Variants in GALNTL6 observed in about 807,000 individuals in gnomAD.
GALNTL6 encodes the protein polypeptide N-acetylgalactosaminyltransferase-like 6.
Under a neutral mutation model 73.7 loss-of-function variants are expected in GALNTL6, and 46 were observed. The observed-to-expected ratio is 0.62, with a 90% CI of 0.49 to 0.80. The LOEUF is 0.80. Among genes scored for constraint, GALNTL6 ranks in the 30% least tolerant of loss-of-function variants. The pLI is 0.00. For synonymous variants in GALNTL6, 259 were observed against 263.7 expected (o/e 0.98, Z 0.17); for missense variants, 604 against 755.0 (o/e 0.80, Z 2.34).
At chr4:172,471,754 AG>A (rs1167243809) in intron 5 of GALNTL6, among the ~76,000 whole-genome samples, 3 of 152,224 alleles carry the variant, frequency 2.0e-5, no homozygotes, top group Non-Finnish European at 2.9e-5. Context: ...TTTTGTGTAC[AG>A]GGCTTAGGCT....
chr4:172,304,913 A>G (rs1740072566), intron 3 of GALNTL6, among the ~76,000 whole-genome samples: 1 of 152,160 alleles, frequency 6.6e-6, no homozygotes, highest in African/African-American at 2.4e-5. Flanking sequence ...TTCTAGTTGC[A>G]GTTTCCAGGT....
intron 5 of GALNTL6, among the ~76,000 whole-genome samples, chr4:172,761,193 A>C (rs908170488): frequency 6.6e-6 from 1 of 152,222 alleles, no homozygotes; most frequent in Non-Finnish European, 1.5e-5. Context: ...TACAAGTTGC[A>C]GAATTTACAC....
chr4:172,647,348 A>T (rs1051580168), intron 5 of GALNTL6, among the ~76,000 whole-genome samples: 29 of 152,140 alleles, frequency 1.9e-4, no homozygotes, highest in Non-Finnish European at 3.4e-4. Context: ...ATCAGTCTTC[A>T]TGTATTATAT....
At chr4:172,390,471 T>A (rs1386227217) in intron 5 of GALNTL6, among the ~76,000 whole-genome samples, 1 of 152,234 alleles carries the variant, frequency 6.6e-6, no homozygotes, top group Non-Finnish European at 1.5e-5. Context: ...TGTACCACTC[T>A]GAGTAGCATG....
intron 11 of GALNTL6, among the ~76,000 whole-genome samples, chr4:173,017,868 A>T (rs1752845243): frequency 6.6e-6 from 1 of 152,232 alleles, no homozygotes; most frequent in Non-Finnish European, 1.5e-5. Flanking sequence ...TTGCTGTAAC[A>T]CAGGTATTCT....
chr4:172,399,152 T>C (rs1743951458), intron 5 of GALNTL6, among the ~76,000 whole-genome samples: 1 of 152,116 alleles, frequency 6.6e-6, no homozygotes, highest in Non-Finnish European at 1.5e-5. Context: ...CCATATGGAG[T>C]TAATGTGAAA....
chr4:172,427,102 A>C (rs1366070500), intron 5 of GALNTL6, among the ~76,000 whole-genome samples: 5 of 152,190 alleles, frequency 3.3e-5, no homozygotes, highest in South Asian at 2.1e-4. Flanking sequence ...TTTTAACTTC[A>C]TAAAATGCAA....
chr4:172,569,887 A>T (rs1176450181), intron 5 of GALNTL6, among the ~76,000 whole-genome samples: 1 of 152,198 alleles, frequency 6.6e-6, no homozygotes, highest in African/African-American at 2.4e-5. Flanking sequence ...GGAAGAATCC[A>T]TCCACAGATT....
At chr4:172,519,928 G>A (rs1734722986) in intron 5 of GALNTL6, among the ~76,000 whole-genome samples, 1 of 151,294 alleles carries the variant, frequency 6.6e-6, no homozygotes, top group African/African-American at 2.4e-5. Flanking sequence ...AAAAAAATAG[G>A]GCAAGACTTC....
chr4:172,888,540 C>G (rs1745849583), intron 8 of GALNTL6, among the ~76,000 whole-genome samples: 1 of 152,132 alleles, frequency 6.6e-6, no homozygotes, highest in Non-Finnish European at 1.5e-5. Context: ...TTATTTTTGT[C>G]AACTTTGTAG....
At chr4:171,891,359 G>A (rs907732983) in intron 2 of GALNTL6, among the ~76,000 whole-genome samples, 5 of 152,172 alleles carry the variant, frequency 3.3e-5, no homozygotes, top group African/African-American at 1.2e-4. Context: ...CTTTTGTCAT[G>A]TTTCATTCTC....
chr4:171,973,288 A>G (rs1204839059), intron 2 of GALNTL6, among the ~76,000 whole-genome samples: 1 of 152,234 alleles, frequency 6.6e-6, no homozygotes, highest in Non-Finnish European at 1.5e-5. Flanking sequence ...GGCTGCCATA[A>G]GGAAGTACCA....
chr4:172,755,237 T>TTAGATAGATAG (rs71592099), intron 5 of GALNTL6, among the ~76,000 whole-genome samples: 1 of 145,550 alleles, frequency 6.9e-6, no homozygotes, highest in African/African-American at 2.6e-5. Flanking sequence ...AAATGACAGA[T>TTAGATAGATAG]ATAGATAGAT....
intron 12 of GALNTL6, among the ~76,000 whole-genome samples, chr4:173,032,055 T>C (rs577834927): frequency 8.5e-5 from 13 of 152,334 alleles, no homozygotes; most frequent in East Asian, 5.8e-4. Context: ...AAGCAAGATA[T>C]TGGTTTTCTC....
At chr4:172,634,942 T>G (rs564670635) in intron 5 of GALNTL6, among the ~76,000 whole-genome samples, 17 of 152,304 alleles carry the variant, frequency 1.1e-4, no homozygotes, top group African/African-American at 4.1e-4. Flanking sequence ...AAGAGCCAAC[T>G]TATCCATAGA....
chr4:172,614,346 C>T (rs1738638153), intron 5 of GALNTL6, among the ~76,000 whole-genome samples: 1 of 152,150 alleles, frequency 6.6e-6, no homozygotes, highest in Non-Finnish European at 1.5e-5. Context: ...AAACGTGCAT[C>T]TGCAAAGCTG....
At chr4:172,188,573 A>T (rs1455372832) in intron 2 of GALNTL6, among the ~76,000 whole-genome samples, 1 of 152,224 alleles carries the variant, frequency 6.6e-6, no homozygotes, top group Non-Finnish European at 1.5e-5. Context: ...AACAGAAAAC[A>T]TAAATAAATA....
intron 2 of GALNTL6, among the ~76,000 whole-genome samples, chr4:172,052,230 G>A (rs1390213465): frequency 6.6e-6 from 1 of 151,754 alleles, no homozygotes; most frequent in Non-Finnish European, 1.5e-5. Flanking sequence ...TCATGGAAAT[G>A]GAACATTCAC....
Position 172,229,669 on chromosome 4 carries a change from G to T in GALNTL6, c.152G>T (p.Gly51Val). Residue 51 changes from glycine (G) to valine (V), a missense_variant, in exon 3 of 13, where the codon GGC becomes GTC. Around this residue, in one of 5 missense-constraint regions of GALNTL6, gnomAD observed 141 missense variants for 156.6 expected, o/e 0.90. Coordinates refer to ENST00000506823, the MANE Select transcript of GALNTL6 (RefSeq NM_001034845.3). ...CCTTTTCCACAGACATTTCCACTGG[G>T]CCTGGGAGATGGGCAATTCTATTCA... ...EPGEQQTFPL[G>V]LGDGQFYSWT... 2.5e-6 allele frequency: 4 copies of T among 1,611,638 alleles called. No individual in the cohort carries two copies. The highest frequency in any genetic ancestry group is 1.3e-5 in the African/African-American group (1 of 74,960).
Sources: gnomAD v4.1 joint callset for allele counts (sites outside exome capture counted in the v4.1 genomes callset) on GRCh38, gnomAD v4.1.1 for gene constraint, gnomAD v4.1.1 regional missense constraint, MANE v1.5 for transcripts, NCBI Gene and HGNC (gene_info 2026-07-23, HGNC 2026-07-21) for gene names.